CHRM3: variants seen among roughly 807,000 people sequenced by gnomAD.
CHRM3 encodes cholinergic receptor muscarinic 3.
Under a neutral mutation model 41.8 loss-of-function variants are expected in CHRM3, and 11 were observed. The observed-to-expected ratio is 0.26, with a 90% confidence interval of 0.17 to 0.44. The LOEUF is 0.44. Ranked by LOEUF, CHRM3 falls within the 20% of genes least tolerant of loss-of-function variation. CHRM3 has a pLI of 1.00. For missense variants in CHRM3, 571 were observed against 745.4 expected (o/e 0.77, Z 2.72); for synonymous variants, 297 against 301.4 (o/e 0.99, Z 0.15).
At chr1:239,899,686 G>A (rs1029997648) in intron 6 of CHRM3, 5 of 151,880 alleles carry the variant, frequency 3.3e-5, no homozygotes, top group African/African-American at 1.2e-4. Flanking sequence ...AGTACACTAA[G>A]TATATCGTAT....
At chr1:239,816,103 T>C (rs1216026176) in intron 5 of CHRM3, among the ~76,000 whole-genome samples, 1 of 151,978 alleles carries the variant, frequency 6.6e-6, no homozygotes, top group Non-Finnish European at 1.5e-5. Context: ...AATTGTCACA[T>C]ATCCAGAGGA....
chr1:239,710,584 G>T (rs910931539), intron 5 of CHRM3, among the ~76,000 whole-genome samples: 1 of 152,056 alleles, frequency 6.6e-6, no homozygotes, highest in Non-Finnish European at 1.5e-5. Context: ...TTAGATACAA[G>T]CTTCAGTTAA....
At chr1:239,779,586 T>C (rs1158681587) in intron 5 of CHRM3, among the ~76,000 whole-genome samples, 2 of 152,158 alleles carry the variant, frequency 1.3e-5, no homozygotes, top group African/African-American at 4.8e-5. Flanking sequence ...ATACAAAAAA[T>C]TAGCCAGGCA....
chr1:239,533,086 T>G (rs993302939), intron 2 of CHRM3, among the ~76,000 whole-genome samples: 4 of 151,782 alleles, frequency 2.6e-5, no homozygotes, highest in African/African-American at 9.7e-5. Context: ...GTTTTTGTCT[T>G]TTTTTTTAGA....
intron 1 of CHRM3, among the ~76,000 whole-genome samples, chr1:239,481,369 T>C (rs1056606365): frequency 7.2e-5 from 11 of 152,234 alleles, no homozygotes; most frequent in African/African-American, 2.7e-4. Context: ...TTTATTTTTT[T>C]TACTTCACTT....
At chr1:239,659,486 T>C (rs1558427983) in intron 4 of CHRM3, among the ~76,000 whole-genome samples, 1 of 152,206 alleles carries the variant, frequency 6.6e-6, no homozygotes, top group Non-Finnish European at 1.5e-5. Flanking sequence ...CTTTCCATGA[T>C]GAAGGAAATA....
chr1:239,818,631 T>G (rs1671788888), intron 5 of CHRM3, among the ~76,000 whole-genome samples: 1 of 152,218 alleles, frequency 6.6e-6, no homozygotes, highest in African/African-American at 2.4e-5. Flanking sequence ...TATTGATGCC[T>G]GCTTCCCTGT....
At chr1:239,788,081 T>C (rs1669052957) in intron 5 of CHRM3, among the ~76,000 whole-genome samples, 1 of 151,990 alleles carries the variant, frequency 6.6e-6, no homozygotes, top group Admixed American at 6.6e-5. Context: ...AACAATTTTT[T>C]TTTAATTATT....
At chr1:239,636,777 C>A (rs1211170767) in intron 4 of CHRM3, among the ~76,000 whole-genome samples, 3 of 152,184 alleles carry the variant, frequency 2.0e-5, no homozygotes, top group African/African-American at 7.2e-5. Flanking sequence ...AAGTCAGAAG[C>A]AGTAGATTCT....
intron 5 of CHRM3, among the ~76,000 whole-genome samples, chr1:239,721,966 T>C (rs912758493): frequency 6.6e-6 from 1 of 151,682 alleles, no homozygotes. Flanking sequence ...AGGGGTGAAA[T>C]GTGTCCCTTC....
At position 239,469,413 on chromosome 1, in the gene CHRM3, G is replaced by A. The variant is rs1184756754; in HGVS notation, c.-520-23296G>A. Among the ~76,000 whole-genome samples, 5 of 152,312 alleles carry A rather than the reference G, an allele frequency of 3.3e-5. No homozygotes were observed. The South Asian group carries it at 8.3e-4, about 25-fold the overall frequency. On this transcript the variant is annotated intron_variant, in intron 1 of 6. Coordinates refer to ENST00000676153, the MANE Select transcript of CHRM3 (RefSeq NM_001375978.1). Reference sequence around the variant, plus strand: ...TGGTATCCTCAGTACCTGGCACGTAGAAGGTTTTTTAACAAATGCACGTTT... The same window carrying A: ...TGGTATCCTCAGTACCTGGCACGTAAAAGGTTTTTTAACAAATGCACGTTT...
chr1:239,464,102 T>A (rs1296880345), intron 1 of CHRM3, among the ~76,000 whole-genome samples: 2 of 151,760 alleles, frequency 1.3e-5, no homozygotes, highest in East Asian at 1.9e-4. Context: ...CATGGTGAAA[T>A]CCCATCTCTA....
chr1:239,523,090 G>C (rs1339555174), intron 2 of CHRM3, among the ~76,000 whole-genome samples: 1 of 151,846 alleles, frequency 6.6e-6, no homozygotes, highest in Non-Finnish European at 1.5e-5. Flanking sequence ...TAATCCACCT[G>C]AGAAACAGTA....
chr1:239,752,416 G>A (rs1665904921), intron 5 of CHRM3, among the ~76,000 whole-genome samples: 1 of 152,160 alleles, frequency 6.6e-6, no homozygotes, highest in African/African-American at 2.4e-5. Flanking sequence ...GAAATTGCCT[G>A]CTTTTTGAGT....
intron 5 of CHRM3, chr1:239,719,132 A>G (rs1175892694): frequency 1.3e-5 from 2 of 151,980 alleles, no homozygotes; most frequent in African/African-American, 4.8e-5. Flanking sequence ...GTTCCTAGTT[A>G]GAGTCTGAGT....
intron 3 of CHRM3, among the ~76,000 whole-genome samples, chr1:239,580,267 C>T (rs1662745372): frequency 9.7e-6 from 1 of 102,934 alleles, no homozygotes; most frequent in Non-Finnish European, 2.0e-5. Context: ...GTCACACACA[C>T]ACACACACAC....
chr1:239,462,963 G>A (rs567158772), intron 1 of CHRM3, among the ~76,000 whole-genome samples: 1 of 152,254 alleles, frequency 6.6e-6, no homozygotes, highest in Admixed American at 6.5e-5. Flanking sequence ...ATATGAGGGG[G>A]AAGAATTTAT....
At chr1:239,481,288 T>C (rs1262252255) in intron 1 of CHRM3, among the ~76,000 whole-genome samples, 1 of 152,206 alleles carries the variant, frequency 6.6e-6, no homozygotes, top group African/African-American at 2.4e-5. Context: ...ATGTATAGAC[T>C]ACTAATAGAT....
intron 5 of CHRM3, among the ~76,000 whole-genome samples, chr1:239,701,558 A>G (rs1487818699): frequency 6.6e-6 from 1 of 152,210 alleles, no homozygotes; most frequent in Non-Finnish European, 1.5e-5. Flanking sequence ...GAGTTGTGCC[A>G]GTAATTACCT....
Sources: allele counts gnomAD v4.1 joint callset (sites outside exome capture counted in the v4.1 genomes callset), GRCh38; gene constraint gnomAD v4.1.1; transcripts MANE v1.5; gene names NCBI Gene and HGNC (gene_info 2026-07-23, HGNC 2026-07-21).